The following ANKRD24 variants were observed in gnomAD, a reference collection of about 807,000 sequenced individuals.
ANKRD24 encodes ankyrin repeat domain 24.
ANKRD24 carries 109 observed loss-of-function variants against 127.8 expected under a neutral mutation model. The ratio of observed to expected loss-of-function variants is 0.85; its 90% confidence interval spans 0.73 to 1.00. ANKRD24 has a LOEUF of 1.00. Among genes scored for constraint, ANKRD24 ranks in the 50% least tolerant of loss-of-function variants. ANKRD24 has a pLI of 0.00. For synonymous variants in ANKRD24, 743 were observed against 671.1 expected (o/e 1.11, Z -1.66); for missense variants, 1,648 against 1,570.2 (o/e 1.05, Z -0.84).
At chr19:4,218,351 G>A (rs1970249846) in intron 18 of ANKRD24, among the ~76,000 whole-genome samples, 188 bp downstream of exon 18, 1 of 150,652 alleles carries the variant, frequency 6.6e-6, no homozygotes, top group Admixed American at 6.6e-5. Context: ...CCAGGCTGGA[G>A]TGTAGTGGTG....
chr19:4,206,771 C>T (rs1327547456), intron 7 of ANKRD24, among the ~76,000 whole-genome samples: 1 of 152,130 alleles, frequency 6.6e-6, no homozygotes, highest in African/African-American at 2.4e-5. Context: ...CAAAACTTGC[C>T]TTTGTTACAA....
rs1968690848 is a variant in ANKRD24, at chr19:4,195,730, A to C, written c.37-3953A>C. Reference sequence around the variant, plus strand: ...GCCAACATGACAAAACCCCGTCTCTACTAAAATACAAAAATTCGCTAGGCG... The same window carrying C: ...GCCAACATGACAAAACCCCGTCTCTCCTAAAATACAAAAATTCGCTAGGCG... On this transcript the variant is annotated intron_variant, in intron 2 of 21. Coordinates refer to ENST00000318934, the MANE Select transcript of ANKRD24 (RefSeq NM_001393985.1). The surrounding 1 kb of genome is among the most constrained non-coding windows in gnomAD (Gnocchi z 4.2). Among the ~76,000 whole-genome samples, 1 of 152,120 alleles carries C rather than the reference A, an allele frequency of 6.6e-6. No individual in the cohort carries two copies. The highest frequency in any genetic ancestry group is 6.6e-5 in the Admixed American group (1 of 15,248).
At chr19:4,184,808 A>T (rs2095000624) in intron 1 of ANKRD24, among the ~76,000 whole-genome samples, 1 of 144,640 alleles carries the variant, frequency 6.9e-6, no homozygotes, top group African/African-American at 2.6e-5. Flanking sequence ...GAATAGGTGG[A>T]TTGGTGGTTT....
intron 1 of ANKRD24, chr19:4,183,404 C>T (rs1967854043): frequency 8.5e-6 from 8 of 942,796 alleles, no homozygotes; most frequent in Non-Finnish European, 1.0e-5. Context: ...CTACTTTGTA[C>T]TGGGCACACT....
At chr19:4,204,259 G>A (rs879351460) in intron 7 of ANKRD24, among the ~76,000 whole-genome samples, 5 of 151,928 alleles carry the variant, frequency 3.3e-5, no homozygotes, top group Admixed American at 2.6e-4. Flanking sequence ...CCACCGTGCC[G>A]GCCCTTCTCC....
At position 4,222,722 on chromosome 19, in the gene ANKRD24, A is replaced by G. The variant is rs1970506241; in HGVS notation, c.3224A>G (p.Gln1075Arg). 6.2e-7 allele frequency: 1 copy of G among 1,612,452 alleles called. No individual in the cohort carries two copies. The highest frequency in any genetic ancestry group is 1.3e-5 in the African/African-American group (1 of 74,916). ...AATCTTAAGGAAGCCTTGAAGGAGC[A>G]GCCGGCCGCCCTCGCCACCCCTGAG... is the stretch of plus-strand genomic sequence containing the variant. ...VFNLKEALKE[Q>R]PAALATPEVE... The change falls in exon 20 of 22, where the codon CAG (glutamine) becomes CGG (arginine). Residue 1075 changes from glutamine to arginine, a missense_variant. Gln to Arg is a conservative substitution (Grantham distance 43). Coordinates refer to ENST00000318934, the MANE Select transcript of ANKRD24 (RefSeq NM_001393985.1).
At chr19:4,216,455 A>G in intron 17 of ANKRD24, 53 bp downstream of exon 17, 1 of 1,555,764 alleles carries the variant, frequency 6.4e-7, no homozygotes, top group Non-Finnish European at 8.7e-7. Flanking sequence ...TGGTTCCCTG[A>G]GGTCAGGGTG....
intron 15 of ANKRD24, among the ~76,000 whole-genome samples, chr19:4,215,502 C>T (rs1029956934): frequency 4.0e-5 from 6 of 148,374 alleles, no homozygotes; most frequent in African/African-American, 7.5e-5. Flanking sequence ...CACAGTGGCT[C>T]ATGCCTGTCA....
rs552670826 is a variant in ANKRD24, at chr19:4,219,734, C to T, written c.3147C>T (p.Asp1049=). Residue 1049 remains aspartate, a synonymous_variant, in exon 19 of 22, where the codon GAC becomes GAT. Transcript: ENST00000318934. ...AGAGCCGGGCCCAGGAGGCTCTGGA[C>T]AAGGCCAAGGAGAAGGACAAGAAGG... is the stretch of plus-strand genomic sequence containing the variant. ...QAQSRAQEAL[D]KAKEKDKKIT... is the part of the protein sequence containing the mutation. The T allele has an allele frequency of 6.2e-7, 1 of 1,610,840 alleles. No individual in the cohort carries two copies. The highest frequency in any genetic ancestry group is 1.7e-5 in the Admixed American group (1 of 59,318).
intron 2 of ANKRD24, among the ~76,000 whole-genome samples, chr19:4,186,943 C>T (rs1307550033): frequency 1.3e-5 from 2 of 152,020 alleles, no homozygotes; most frequent in South Asian, 2.1e-4. Context: ...CCGCTGAGTA[C>T]GGGAGATGAA....
Position 4,216,976 on chromosome 19 carries a change from G to T in ANKRD24, c.1816G>T (p.Val606Phe). 1 of 1,613,136 alleles carries T rather than the reference G, an allele frequency of 6.2e-7. No homozygotes were observed. Among genetic ancestry groups the T allele is most frequent in the Non-Finnish European group, 8.5e-7 (1 of 1,179,592 alleles). The change falls in exon 18 of 22, where the codon GTC becomes TTC. Residue 606 changes from valine to phenylalanine, a missense_variant. Transcript: ENST00000318934. ...AGAAACAAAACCCACAGGGGCTGAG[G>T]TCAGAGAAATGGAGACCACAGAAGA... ...VTETKPTGAE[V>F]REMETTEEEA...
chr19:4,187,374 T>C (rs1039547504), intron 2 of ANKRD24, among the ~76,000 whole-genome samples: 2 of 151,394 alleles, frequency 1.3e-5, no homozygotes, highest in African/African-American at 4.9e-5. Flanking sequence ...GATTGTGCCA[T>C]TGCACTGCAG....
intron 2 of ANKRD24, among the ~76,000 whole-genome samples, chr19:4,190,658 A>G: frequency 6.6e-6 from 1 of 151,946 alleles, no homozygotes; most frequent in Non-Finnish European, 1.5e-5. Flanking sequence ...TCTTGAACCC[A>G]GGAGGCAGAA....
rs1247745488 is a variant in ANKRD24 at position 4,195,150 on chromosome 19, G to A, written c.37-4533G>A. 1.3e-5 allele frequency among the ~76,000 whole-genome samples: 2 copies of A among 151,030 alleles called. No individual in the cohort carries two copies. The highest frequency in any genetic ancestry group is 4.8e-5 in the African/African-American group (2 of 41,340). ...TGCAGTGGCACGACTTCTGCTCACT[G>A]CAAGCTCCGCCTCCCGGGTGCACGC... On this transcript the variant is annotated intron_variant, in intron 2 of 21. Coordinates refer to ENST00000318934, the MANE Select transcript of ANKRD24 (RefSeq NM_001393985.1). This position sits in a 1 kb window ranked among gnomAD's most constrained non-coding sequence, Gnocchi z 4.2.
rs1269348936 is a variant in ANKRD24 at position 4,195,095 on chromosome 19, G to C, written c.37-4588G>C. On this transcript the variant is annotated intron_variant, in intron 2 of 21. Transcript: ENST00000318934. The surrounding 1 kb of genome is among the most constrained non-coding windows in gnomAD (Gnocchi z 4.2). ...TTGTTTGTTTGTTTGTTTTTAGAGA[G>C]GGAGTCTCACTCTGTCACCCAGGTT... Among the ~76,000 whole-genome samples the C allele has an allele frequency of 8.2e-6, 1 of 122,648 alleles. No homozygotes were observed. Among genetic ancestry groups the C allele is most frequent in the Non-Finnish European group, 1.7e-5 (1 of 58,282 alleles). 80.5% of individuals were successfully genotyped at this position (122,648 alleles called of 152,430 possible). A position where few individuals can be genotyped will look rare whatever the true frequency, so the allele number is the denominator to read the frequency against.
rs922116361 is a variant in ANKRD24, at chr19:4,195,477, G to A, written c.37-4206G>A. Among the ~76,000 whole-genome samples the A allele has an allele frequency of 3.3e-5, 5 of 152,174 alleles. No homozygotes were observed. Among genetic ancestry groups the A allele is most frequent in the Admixed American group, 2.6e-4 (4 of 15,274 alleles). ...CCGTTTCGGTCTCTTCTCTGGAGAA[G>A]CTCAGAGGACCTCCCCACCCCCAAG... On this transcript the variant is annotated intron_variant, in intron 2 of 21. Coordinates refer to ENST00000318934, the MANE Select transcript of ANKRD24 (RefSeq NM_001393985.1). The surrounding 1 kb of genome is among the most constrained non-coding windows in gnomAD (Gnocchi z 4.2).
At chr19:4,183,428 G>A (rs1184612046) in intron 1 of ANKRD24, 39 of 861,484 alleles carry the variant, frequency 4.5e-5, no homozygotes, top group Non-Finnish European at 5.2e-5. Context: ...GAGCAAAGGT[G>A]GTACCATCTA....
Position 4,217,768 on chromosome 19 carries a change from G to T in ANKRD24, c.2608G>T (p.Ala870Ser). The T allele has an allele frequency of 7.7e-7, 1 of 1,303,930 alleles. No individual in the cohort carries two copies. The highest frequency in any genetic ancestry group is 9.7e-7 in the Non-Finnish European group (1 of 1,030,000). 80.8% of individuals were successfully genotyped at this position (1,303,930 alleles called of 1,614,324 possible). A position where few individuals can be genotyped will look rare whatever the true frequency, so the allele number is the denominator to read the frequency against. ...GGCCACGGGGGAGCAGCAGCGCACG[G>T]CGGCCGCGGAACTGGGCCGGGCACG... ...ARATGEQQRT[A>S]AAELGRARDA... The change falls in exon 18 of 22, where the codon GCG (alanine) becomes TCG (serine). Residue 870 changes from alanine to serine, a missense_variant. Physicochemically the swap from Ala to Ser is moderately conservative, Grantham distance 99. Transcript: ENST00000318934.
At position 4,195,315 on chromosome 19, in the gene ANKRD24, C is replaced by T. The variant is rs768650048; in HGVS notation, c.37-4368C>T. On this transcript the variant is annotated intron_variant, in intron 2 of 21. Coordinates refer to ENST00000318934, the MANE Select transcript of ANKRD24 (RefSeq NM_001393985.1). The surrounding 1 kb of genome is among the most constrained non-coding windows in gnomAD (Gnocchi z 4.2). ...TCTCGAACTCCCCATCTCAGGTGAT[C>T]TGCCTGCCTCAGCCTCCCAAAGTGC... Among the ~76,000 whole-genome samples, 69 of 151,520 alleles carry T rather than the reference C, an allele frequency of 4.6e-4. No individual in the cohort carries two copies. The highest frequency in any genetic ancestry group is 8.7e-4 in the Non-Finnish European group (59 of 67,910).
Sources: allele counts gnomAD v4.1 joint callset (sites outside exome capture counted in the v4.1 genomes callset), GRCh38; gene constraint gnomAD v4.1.1; non-coding constraint Gnocchi (gnomAD v3.1); transcripts MANE v1.5; gene names NCBI Gene and HGNC (gene_info 2026-07-23, HGNC 2026-07-21).